Variants in ARHGAP28 observed in about 807,000 individuals in gnomAD.
ARHGAP28 encodes rho GTPase-activating protein 28.
ARHGAP28 carries 56 observed loss-of-function variants against 90.7 expected under a neutral mutation model. The ratio of observed to expected loss-of-function variants is 0.62; its 90% confidence interval spans 0.50 to 0.77. The LOEUF (loss-of-function observed/expected upper bound fraction) is 0.77, where lower values mean the gene tolerates loss of function less well. Ranked by LOEUF, ARHGAP28 falls within the 30% of genes least tolerant of loss-of-function variation. The probability of loss-of-function intolerance (pLI) is 0.00; values close to 1 mark genes in which losing one functional copy is unlikely to be tolerated. For missense variants in ARHGAP28, 869 were observed against 900.9 expected, an observed-to-expected ratio of 0.96 and a Z score of 0.45; for synonymous variants, 308 against 323.3, an observed-to-expected ratio of 0.95 and a Z score of 0.51.
At chr18:6,841,533 T>C (rs1320491969) in intron 3 of ARHGAP28, among the ~76,000 whole-genome samples, 1 of 151,802 alleles carries the variant, frequency 6.6e-6, no homozygotes, top group Non-Finnish European at 1.5e-5. Context: ...TATCTTATAT[T>C]TATCTATAAA....
intron 6 of ARHGAP28, 40 bp downstream of exon 6, chr18:6,868,274 C>G (rs147334486): frequency 6.4e-7 from 1 of 1,570,238 alleles, no homozygotes; most frequent in Admixed American, 1.7e-5. Context: ...GCTGTGTCTT[C>G]TCGCTTTTGT....
chr18:6,879,391 C>T (rs1400240621), intron 10 of ARHGAP28, among the ~76,000 whole-genome samples: 1 of 152,164 alleles, frequency 6.6e-6, no homozygotes, highest in East Asian at 1.9e-4. Flanking sequence ...AAAATAGAGG[C>T]ACATTGCATT....
At chr18:6,733,444 T>C (rs2055900318) in intron 1 of ARHGAP28, among the ~76,000 whole-genome samples, 1 of 152,118 alleles carries the variant, frequency 6.6e-6, no homozygotes, top group Non-Finnish European at 1.5e-5. Context: ...TCTTTTTTTA[T>C]ATATAATTTC....
rs529843682 is a variant in ARHGAP28 at position 6,856,030 on chromosome 18, AAGTGGGCGGAATGAACCC to A, written c.637-3752_637-3735del. ...CAAGCCGAGTGCAGCCTGCTGGGCC[AAGTGGGCGGAATGAACCC>A]AGTGGGCGGAATGAACCCAGTGGGC... On this transcript the variant is annotated intron_variant, in intron 4 of 17. Transcript: ENST00000383472. Among the ~76,000 whole-genome samples, 113 of 152,332 alleles carry A rather than the reference AAGTGGGCGGAATGAACCC, an allele frequency of 7.4e-4. No individual in the cohort carries two copies. The South Asian group carries it at 7.9e-3, about 11-fold the overall frequency.
At position 6,782,745 on chromosome 18, in the gene ARHGAP28, C is replaced by T. The variant is rs541378067; in HGVS notation, c.123-42017C>T. Among the ~76,000 whole-genome samples, 41 of 150,506 alleles carry T rather than the reference C, an allele frequency of 2.7e-4. 1 individual carries two copies. The South Asian group carries it at 8.4e-3, about 31-fold the overall frequency. On this transcript the variant is annotated intron_variant, in intron 1 of 17. Transcript: ENST00000383472. ...GATTACAGGCGTGAGCCACCACACC[C>T]AGCCAAGAGATTAATTATATATCAT... is the stretch of plus-strand genomic sequence containing the variant.
Position 6,870,650 on chromosome 18 carries a change from C to T in ARHGAP28, c.872C>T (p.Ser291Phe). Residue 291 changes from serine to phenylalanine, a missense_variant, in exon 7 of 18, where the codon TCT (serine) becomes TTT (phenylalanine). Ser to Phe is a radical substitution (Grantham distance 155, BLOSUM62 -2). Coordinates refer to ENST00000383472, the MANE Select transcript of ARHGAP28 (RefSeq NM_001366230.1). Reference sequence around the variant, plus strand: ...GCTGAAGAGCTGTCATTTGAAGTGTCTTATTCAGAAATGGTTACGGAGGCT... The same window carrying T: ...GCTGAAGAGCTGTCATTTGAAGTGTTTTATTCAGAAATGGTTACGGAGGCT... ...PEAEELSFEV[S>F]YSEMVTEALK... 6.2e-7 allele frequency: 1 copy of T among 1,612,698 alleles called. No homozygotes were observed. Among genetic ancestry groups the T allele is most frequent in the Non-Finnish European group, 8.5e-7 (1 of 1,179,082 alleles).
In ARHGAP28 at chr18:6,815,523, T is replaced by G. The variant is rs143882727; in HGVS notation, c.123-9239T>G. On this transcript the variant is annotated intron_variant, in intron 1 of 17. Transcript: ENST00000383472. ...TTTAAAGTGTACAGTTCAGTGGTTT[T>G]TAGTGTATTCACAAAGTTGGGATAT... Among the ~76,000 whole-genome samples, 576 of 152,328 alleles carry G rather than the reference T, an allele frequency of 3.8e-3. 13 individuals are homozygous for G. Among genetic ancestry groups the G allele is most frequent in the East Asian group, 9.3e-3 (48 of 5,182 alleles).
chr18:6,846,391 C>G (rs551320034), intron 3 of ARHGAP28, among the ~76,000 whole-genome samples: 2 of 152,136 alleles, frequency 1.3e-5, no homozygotes, highest in Non-Finnish European at 2.9e-5. Context: ...CTTGGTCTCT[C>G]CTAAGAGTCT....
chr18:6,765,563 T>C (rs2056193691), intron 1 of ARHGAP28, among the ~76,000 whole-genome samples: 1 of 152,142 alleles, frequency 6.6e-6, no homozygotes, highest in African/African-American at 2.4e-5. Flanking sequence ...TTCCAAACTC[T>C]GCTTTTTAAA....
intron 16 of ARHGAP28, 73 bp from the exon 17 acceptor site, chr18:6,908,887 G>T: frequency 1.2e-6 from 1 of 859,476 alleles, no homozygotes; most frequent in Non-Finnish European, 1.9e-6. Context: ...TTGTTGCCTG[G>T]TTATTTAACA....
intron 16 of ARHGAP28, chr18:6,896,887 A>C: frequency 3.2e-6 from 1 of 310,624 alleles, no homozygotes; most frequent in South Asian, 9.0e-5. Flanking sequence ...TCATTTATTC[A>C]GTGAGTTTTA....
rs1045229392 is a variant in ARHGAP28, at chr18:6,893,841, G to A, written c.1849-994G>A. Among the ~76,000 whole-genome samples the A allele has an allele frequency of 1.1e-4, 16 of 147,484 alleles. 1 individual carries two copies. Among genetic ancestry groups the A allele is most frequent in the South Asian group, 6.5e-4 (3 of 4,588 alleles). ...AAGACAAAGAAATAGTTTTTCTTTC[G>A]TACTATTGTACTATATTGCTTTTTG... On this transcript the variant is annotated intron_variant, in intron 14 of 17. Transcript: ENST00000383472.
chr18:6,732,805 G>A (rs911531434), intron 1 of ARHGAP28, among the ~76,000 whole-genome samples: 1 of 152,100 alleles, frequency 6.6e-6, no homozygotes, highest in Non-Finnish European at 1.5e-5. Flanking sequence ...ATTTACTTCC[G>A]CTGCTTAGGA....
At chr18:6,791,646 G>A (rs555743432) in intron 1 of ARHGAP28, 119 of 152,178 alleles carry the variant, frequency 7.8e-4, no homozygotes, top group Admixed American at 2.7e-3. Context: ...TTGTGGTGCC[G>A]CAGATGACTT....
intron 1 of ARHGAP28, among the ~76,000 whole-genome samples, chr18:6,759,026 T>A (rs1260747953): frequency 6.6e-6 from 1 of 152,212 alleles, no homozygotes; most frequent in Non-Finnish European, 1.5e-5. Flanking sequence ...AATCCTTGTT[T>A]AAAATCAATT....
At chr18:6,898,461 C>CT (rs765091254) in intron 16 of ARHGAP28, 2 of 1,612,396 alleles carry the variant, frequency 1.2e-6, no homozygotes, top group African/African-American at 2.7e-5. Flanking sequence ...GCGAGCTGCA[C>CT]TTTCCTTCCT....
intron 9 of ARHGAP28, 41 bp downstream of exon 9, chr18:6,873,816 A>AGAG (rs2057109473): frequency 1.3e-6 from 2 of 1,534,888 alleles, no homozygotes; most frequent in African/African-American, 1.4e-5. Flanking sequence ...ACAGAGCCTC[A>AGAG]TGCTTATGAT....
chr18:6,863,336 T>G (rs1428639816), intron 5 of ARHGAP28, among the ~76,000 whole-genome samples: 7 of 151,970 alleles, frequency 4.6e-5, no homozygotes, highest in Non-Finnish European at 8.8e-5. Flanking sequence ...AAGATGAATG[T>G]AATGTTTTCC....
At chr18:6,759,666 A>C (rs2056142641) in intron 1 of ARHGAP28, among the ~76,000 whole-genome samples, 1 of 152,238 alleles carries the variant, frequency 6.6e-6, no homozygotes, top group African/African-American at 2.4e-5. Flanking sequence ...AGCAAAAACA[A>C]AAGGTAAATA....
Sources: gnomAD v4.1 joint callset for allele counts (sites outside exome capture counted in the v4.1 genomes callset) on GRCh38, gnomAD v4.1.1 for gene constraint, MANE v1.5 for transcripts, NCBI Gene and HGNC (gene_info 2026-07-23, HGNC 2026-07-21) for gene names.